ITPKA: variants seen among roughly 807,000 people sequenced by gnomAD.
ITPKA encodes the protein inositol-trisphosphate 3-kinase A, also known as IP3 3-kinase A.
In ITPKA, 16 loss-of-function variants were observed where a neutral mutation model predicts 40.7. That is an observed-to-expected ratio of 0.39 (90% CI 0.27 to 0.60). The LOEUF is 0.60. Ranked by LOEUF, ITPKA falls within the 20% of genes least tolerant of loss-of-function variation. ITPKA has a pLI of 0.50. For synonymous variants in ITPKA, 313 were observed against 289.9 expected (o/e 1.08, Z -0.81); for missense variants, 540 against 649.3 (o/e 0.83, Z 1.83).
intron 1 of ITPKA, among the ~76,000 whole-genome samples, chr15:41,500,597 A>G (rs1451731193): frequency 2.6e-5 from 4 of 152,202 alleles, no homozygotes; most frequent in African/African-American, 9.6e-5. Flanking sequence ...AGCCTTATGT[A>G]CTACTCACAG....
intron 1 of ITPKA, among the ~76,000 whole-genome samples, chr15:41,498,026 G>A (rs1161340151): frequency 2.0e-5 from 3 of 152,044 alleles, no homozygotes; most frequent in Non-Finnish European, 2.9e-5. Flanking sequence ...GGTGGTGCAC[G>A]CCTATAATCC....
rs137962153 is a variant in ITPKA, at chr15:41,503,138, G to T, written c.1358G>T (p.Gly453Val). 6.3e-7 allele frequency: 1 copy of T among 1,592,754 alleles called. No individual in the cohort carries two copies. Among genetic ancestry groups the T allele is most frequent in the Non-Finnish European group, 8.6e-7 (1 of 1,163,170 alleles). Residue 453 changes from glycine to valine, a missense_variant, in exon 7 of 7, where the codon GGC becomes GTC. Gly to Val is a moderately radical substitution (Grantham distance 109). Transcript: ENST00000260386. ...TTGCTGGGGCTGGACAATCTCATTG[G>T]CATCCTGGCCAGCCTGGCTGAGAGA... is the stretch of plus-strand genomic sequence containing the variant. ...GYLLGLDNLI[G>V]ILASLAER is the part of the protein sequence containing the mutation.
At chr15:41,498,306 CAAAAAAAAA>C (rs761859856) in intron 1 of ITPKA, among the ~76,000 whole-genome samples, 10 of 73,708 alleles carry the variant, frequency 1.4e-4, no homozygotes, top group African/African-American at 2.4e-4. Flanking sequence ...GACCTTGTCT[CAAAAAAAAA>C]AAAAAAAAAA....
In ITPKA at chr15:41,501,446, G is replaced by C; in HGVS notation, c.490-17G>C. 1 of 1,599,500 alleles carries C rather than the reference G, an allele frequency of 6.3e-7. No homozygotes were observed. Among genetic ancestry groups the C allele is most frequent in the South Asian group, 1.1e-5 (1 of 88,280 alleles). ...GCCGAGACGCCGATTATCAGACCTTGACCCTGTCGCTTTCAGAAAAACCAC... is the reference window on the plus strand; with the variant it reads ...GCCGAGACGCCGATTATCAGACCTTCACCCTGTCGCTTTCAGAAAAACCAC... On this transcript the variant is annotated splice_polypyrimidine_tract_variant and intron_variant, in intron 1 of 6. Transcript: ENST00000260386.
chr15:41,502,114 G>A lies in ITPKA; in HGVS notation c.921G>A (p.Gln307=), dbSNP rs1379001419. Residue 307 remains glutamine, a synonymous_variant, in exon 4 of 7, where the codon CAG becomes CAA. Coordinates refer to ENST00000260386, the MANE Select transcript of ITPKA (RefSeq NM_002220.3). ...PEAPTEEEHA[Q]RAVTKPRYMQ... Reference sequence around the variant, plus strand: ...CTCCCACGGAGGAGGAGCACGCGCAGCGCGCCGTCACCAAGCCGCGCTACA... The same window carrying A: ...CTCCCACGGAGGAGGAGCACGCGCAACGCGCCGTCACCAAGCCGCGCTACA... The A allele has an allele frequency of 2.5e-6, 4 of 1,611,244 alleles. No individual in the cohort carries two copies. The highest frequency in any genetic ancestry group is 3.4e-6 in the Non-Finnish European group (4 of 1,179,338).
chr15:41,496,983 CAG>C (rs1416414647), intron 1 of ITPKA, among the ~76,000 whole-genome samples: 1 of 152,126 alleles, frequency 6.6e-6, no homozygotes, highest in East Asian at 1.9e-4. Context: ...GTGCCAAAGA[CAG>C]AGCACTCACC....
Position 41,494,068 on chromosome 15 carries a change from G to C in ITPKA, c.141G>C (p.Ala47=), listed in dbSNP as rs1442550679. Residue 47 remains alanine (A), a synonymous_variant, in exon 1 of 7, where the codon GCG becomes GCC. Coordinates refer to ENST00000260386, the MANE Select transcript of ITPKA (RefSeq NM_002220.3). The surrounding 1 kb of genome is among the most constrained non-coding windows in gnomAD (Gnocchi z 7.8). ...LFEARCAAVA[A]AAAAGEPRAR... is the part of the protein sequence containing the mutation. ...AGGCGCGCTGTGCGGCGGTCGCTGC[G>C]GCCGCCGCCGCGGGGGAGCCCCGGG... 3.2e-6 allele frequency: 4 copies of C among 1,240,140 alleles called. No homozygotes were observed. Among genetic ancestry groups the C allele is most frequent in the South Asian group, 3.5e-5 (1 of 28,358 alleles). 76.8% of individuals were successfully genotyped at this position (1,240,140 alleles called of 1,614,324 possible).
intron 1 of ITPKA, among the ~76,000 whole-genome samples, chr15:41,495,391 G>A (rs2051063624): frequency 2.0e-5 from 3 of 152,236 alleles, no homozygotes; most frequent in Admixed American, 6.5e-5. Flanking sequence ...CATAAGTCCG[G>A]GTCGGCGCGG....
chr15:41,494,519 G>A lies in ITPKA; in HGVS notation c.489+103G>A. 1.3e-6 allele frequency: 1 copy of A among 793,374 alleles called. No individual in the cohort carries two copies. The highest frequency in any genetic ancestry group is 1.8e-6 in the Non-Finnish European group (1 of 546,082). The allele number at this position is 793,374 out of a possible 1,614,324, so 49.1% of individuals were successfully genotyped here. ...CGCTCCTGTCCATGCTCCCTCCAGC[G>A]GAAGGTCCTGTTCTCGCGGTTTAGG... is the stretch of plus-strand genomic sequence containing the variant. On this transcript the variant is annotated intron_variant, in intron 1 of 6. Transcript: ENST00000260386. The surrounding 1 kb of genome is among the most constrained non-coding windows in gnomAD (Gnocchi z 7.8).
In ITPKA at chr15:41,502,393, C is replaced by A; in HGVS notation, c.1009-9C>A. 1.3e-6 allele frequency: 2 copies of A among 1,582,038 alleles called. No individual in the cohort carries two copies. The highest frequency in any genetic ancestry group is 1.7e-6 in the Non-Finnish European group (2 of 1,152,430). The stretch of plus-strand genomic sequence containing the variant: ...CCCGGGGCCCCTGACACTCCTGTCC[C>A]ACATCCAGAAAGCGGACGGCTCCTG... On this transcript the variant is annotated splice_polypyrimidine_tract_variant and intron_variant, in intron 4 of 6. Coordinates refer to ENST00000260386, the MANE Select transcript of ITPKA (RefSeq NM_002220.3).
At chr15:41,501,169 G>A (rs1270960018) in intron 1 of ITPKA, 2 of 210,744 alleles carry the variant, frequency 9.5e-6, no homozygotes, top group Non-Finnish European at 1.6e-5. Flanking sequence ...TTCGTAACCT[G>A]CCCACGCGTT....
chr15:41,497,790 C>T (rs556184564), intron 1 of ITPKA, among the ~76,000 whole-genome samples: 4 of 152,094 alleles, frequency 2.6e-5, no homozygotes, highest in South Asian at 2.1e-4. Context: ...GAGTCCAAGG[C>T]GGGAGGATCA....
intron 5 of ITPKA, 64 bp from the exon 6 acceptor site, chr15:41,502,724 C>G: frequency 2.1e-6 from 3 of 1,434,726 alleles, no homozygotes; most frequent in Non-Finnish European, 1.9e-6. Flanking sequence ...GGCTCCTCAT[C>G]GTTAGCAGGG....
chr15:41,501,398 A>G, intron 1 of ITPKA, 65 bp from the exon 2 acceptor site: 5 of 1,546,018 alleles, frequency 3.2e-6, no homozygotes, highest in Non-Finnish European at 4.4e-6. Flanking sequence ...ACCCTGTTTC[A>G]GTGGAGGGAG....
chr15:41,496,183 G>T (rs1394978647), intron 1 of ITPKA, among the ~76,000 whole-genome samples: 1 of 152,238 alleles, frequency 6.6e-6, no homozygotes, highest in African/African-American at 2.4e-5. Context: ...ACTTTGCCTC[G>T]CCGCAGGTCC....
intron 1 of ITPKA, among the ~76,000 whole-genome samples, chr15:41,500,004 A>C (rs2051099075): frequency 6.6e-6 from 1 of 152,132 alleles, no homozygotes; most frequent in Non-Finnish European, 1.5e-5. Flanking sequence ...CTCTGCTGCC[A>C]GGCTAGAGTG....
At position 41,501,208 on chromosome 15, in the gene ITPKA, G is replaced by C. The variant is rs1054569314; in HGVS notation, c.490-255G>C. ...CAGTGGCAGAGCTGGAGCGCAAACC[G>C]GGGGCTTCAGATGCTAAGTCCAGGC... On this transcript the variant is annotated intron_variant, in intron 1 of 6. Transcript: ENST00000260386. 1.6e-5 allele frequency: 9 copies of C among 552,632 alleles called. No homozygotes were observed. The Admixed American group carries it at 1.9e-4, about 12-fold the overall frequency. The allele number at this position is 552,632 out of a possible 1,614,324, so 34.2% of individuals were successfully genotyped here.
chr15:41,495,790 T>C (rs914965044), intron 1 of ITPKA, among the ~76,000 whole-genome samples: 1 of 152,242 alleles, frequency 6.6e-6, no homozygotes, highest in Non-Finnish European at 1.5e-5. Context: ...GCGGAAGCTC[T>C]GACACCTGAG....
Position 41,494,017 on chromosome 15 carries a change from T to C in ITPKA, c.90T>C (p.Ser30=). ...SPGLERAPRR[S]VGELRLLFEA... is the part of the protein sequence containing the mutation. The stretch of plus-strand genomic sequence containing the variant: ...GGCTGGAGCGGGCCCCGCGCCGGAG[T>C]GTCGGGGAGCTGCGCCTGCTCTTCG... The change falls in exon 1 of 7, where the codon AGT becomes AGC. Residue 30 remains serine, a synonymous_variant. Transcript: ENST00000260386. This position sits in a 1 kb window ranked among gnomAD's most constrained non-coding sequence, Gnocchi z 7.8. The C allele has an allele frequency of 8.5e-7, 1 of 1,180,952 alleles. No homozygotes were observed. Among genetic ancestry groups the C allele is most frequent in the Non-Finnish European group, 1.0e-6 (1 of 956,834 alleles). 73.2% of individuals were successfully genotyped at this position (1,180,952 alleles called of 1,614,324 possible).
Sources: allele counts gnomAD v4.1 joint callset (sites outside exome capture counted in the v4.1 genomes callset), GRCh38; gene constraint gnomAD v4.1.1; non-coding constraint Gnocchi (gnomAD v3.1); transcripts MANE v1.5; gene names NCBI Gene and HGNC (gene_info 2026-07-23, HGNC 2026-07-21).